The following PHF14 variants were observed in gnomAD, a reference collection of about 807,000 sequenced individuals.
PHF14 encodes the protein PHD finger protein 14.
In PHF14, 55 loss-of-function variants were observed where a neutral mutation model predicts 117.9. The ratio of observed to expected loss-of-function variants is 0.47; its 90% CI spans 0.38 to 0.58. The LOEUF is 0.58. Among genes scored for constraint, PHF14 ranks in the 20% least tolerant of loss-of-function variants. The pLI, the probability that PHF14 is intolerant of heterozygous loss-of-function variation, is 0.00. For synonymous variants in PHF14, 409 were observed against 368.6 expected (o/e 1.11, Z -1.26); for missense variants, 978 against 1,122.2 (o/e 0.87, Z 1.84).
intron 17 of PHF14, among the ~76,000 whole-genome samples, chr7:11,166,582 G>C (rs1789207215): frequency 6.6e-6 from 1 of 152,044 alleles, no homozygotes; most frequent in Non-Finnish European, 1.5e-5. Flanking sequence ...CTTCCCTAGA[G>C]CTTTATTAGA....
chr7:11,075,529 A>G (rs1017236114), intron 16 of PHF14, among the ~76,000 whole-genome samples: 5 of 151,360 alleles, frequency 3.3e-5, no homozygotes, highest in African/African-American at 1.2e-4. Flanking sequence ...GTGTGAATTA[A>G]CAAGAACTCA....
chr7:11,134,699 T>C (rs1428990904), intron 17 of PHF14, among the ~76,000 whole-genome samples: 1 of 152,056 alleles, frequency 6.6e-6, no homozygotes, highest in Non-Finnish European at 1.5e-5. Context: ...CATTTATTGG[T>C]TCAGTCTATC....
intron 13 of PHF14, 23 bp downstream of exon 13, chr7:11,042,837 A>C: frequency 6.6e-7 from 1 of 1,507,466 alleles, no homozygotes; most frequent in Non-Finnish European, 9.0e-7. Flanking sequence ...GAGGAGATTT[A>C]GATGTTTGAA....
At chr7:11,074,321 C>T (rs1203693729) in intron 16 of PHF14, among the ~76,000 whole-genome samples, 1 of 151,948 alleles carries the variant, frequency 6.6e-6, no homozygotes, top group African/African-American at 2.4e-5. Context: ...TACCATTCTC[C>T]TGCCTCAGCC....
intron 17 of PHF14, among the ~76,000 whole-genome samples, chr7:11,148,964 A>C (rs1434987256): frequency 2.0e-5 from 3 of 152,156 alleles, no homozygotes; most frequent in Admixed American, 2.0e-4. Flanking sequence ...TTGCATACAT[A>C]ATCATTTTTG....
At chr7:11,126,031 G>T (rs1290300366) in intron 17 of PHF14, among the ~76,000 whole-genome samples, 1 of 152,068 alleles carries the variant, frequency 6.6e-6, no homozygotes, top group African/African-American at 2.4e-5. Flanking sequence ...TCGTGTTCTT[G>T]AGGGCTGGAC....
At chr7:10,990,675 C>A in intron 3 of PHF14, 28 bp from the exon 4 acceptor site, 1 of 1,340,300 alleles carries the variant, frequency 7.5e-7, no homozygotes, top group Non-Finnish European at 1.0e-6. Flanking sequence ...ATGTGATTTT[C>A]TGATATATGT....
chr7:10,975,847 A>C (rs1252265317), intron 2 of PHF14, among the ~76,000 whole-genome samples: 1 of 152,198 alleles, frequency 6.6e-6, no homozygotes, highest in Non-Finnish European at 1.5e-5. Flanking sequence ...GGTTAGTCAC[A>C]TCTCTCCTTC....
At chr7:11,160,953 A>G (rs931861613) in intron 17 of PHF14, among the ~76,000 whole-genome samples, 22 of 152,204 alleles carry the variant, frequency 1.4e-4, no homozygotes, top group African/African-American at 4.8e-4. Context: ...TTTTGTCGCA[A>G]TTGCTTTTGA....
chr7:11,085,153 T>G (rs1293518598), intron 16 of PHF14, among the ~76,000 whole-genome samples: 5 of 152,200 alleles, frequency 3.3e-5, no homozygotes, highest in Admixed American at 1.3e-4. Context: ...AAATGCAAAT[T>G]ATCTGTCTTT....
intron 17 of PHF14, among the ~76,000 whole-genome samples, chr7:11,115,555 T>A (rs532128519): frequency 4.6e-5 from 7 of 152,104 alleles, no homozygotes; most frequent in Admixed American, 6.6e-5. Flanking sequence ...TTATCATACC[T>A]CTGCTTGAAA....
chr7:11,148,676 C>G (rs1357311607), intron 17 of PHF14, among the ~76,000 whole-genome samples: 1 of 152,154 alleles, frequency 6.6e-6, no homozygotes, highest in Admixed American at 6.5e-5. Context: ...ACCCCATCTC[C>G]TAGAACAGAA....
chr7:11,073,010 C>T (rs905139930), intron 16 of PHF14, among the ~76,000 whole-genome samples: 1 of 152,186 alleles, frequency 6.6e-6, no homozygotes, highest in Admixed American at 6.5e-5. Flanking sequence ...TCCCACCAGG[C>T]CCACCTCCAA....
At chr7:11,105,767 A>G (rs1787240205) in intron 16 of PHF14, 4 of 984,802 alleles carry the variant, frequency 4.1e-6, no homozygotes, top group Non-Finnish European at 4.8e-6. Context: ...TGCCGATAAG[A>G]TTCACTGCTG....
At chr7:11,063,244 G>A (rs1562446820) in intron 16 of PHF14, 1 of 984,786 alleles carries the variant, frequency 1.0e-6, no homozygotes, top group Non-Finnish European at 1.2e-6. Flanking sequence ...TGTAGAGTGT[G>A]TTGGGAGCTA....
At chr7:11,030,773 C>T (rs1001866895) in intron 7 of PHF14, among the ~76,000 whole-genome samples, 6 of 152,252 alleles carry the variant, frequency 3.9e-5, no homozygotes, top group Non-Finnish European at 5.9e-5. Flanking sequence ...ACTTTTCTCC[C>T]TATTCACTAC....
chr7:11,026,223 C>A (rs950414888), intron 6 of PHF14, among the ~76,000 whole-genome samples: 2 of 152,034 alleles, frequency 1.3e-5, no homozygotes, highest in African/African-American at 4.8e-5. Flanking sequence ...CTTTCACCAG[C>A]AAAAAGATTA....
chr7:11,086,330 C>T (rs936025124), intron 16 of PHF14, among the ~76,000 whole-genome samples: 1 of 152,188 alleles, frequency 6.6e-6, no homozygotes, highest in African/African-American at 2.4e-5. Context: ...CAGCTGTTCA[C>T]AGCTCCAGGT....
intron 5 of PHF14, among the ~76,000 whole-genome samples, chr7:11,019,219 G>A (rs1783639283): frequency 6.6e-6 from 1 of 152,186 alleles, no homozygotes; most frequent in Non-Finnish European, 1.5e-5. Flanking sequence ...CCTTTGGCTG[G>A]TTTTGGTATC....
Sources: gnomAD v4.1 joint callset for allele counts (sites outside exome capture counted in the v4.1 genomes callset) on GRCh38, gnomAD v4.1.1 for gene constraint, MANE v1.5 for transcripts, NCBI Gene and HGNC (gene_info 2026-07-23, HGNC 2026-07-21) for gene names.